Variants in TMEM132B observed in about 807,000 individuals in gnomAD.
TMEM132B encodes transmembrane protein 132B.
Under a neutral mutation model 90.8 loss-of-function variants are expected in TMEM132B, and 18 were observed. That is an observed-to-expected ratio of 0.20 (90% CI 0.14 to 0.29). The LOEUF is 0.29. Ranked by LOEUF, TMEM132B falls within the 10% of genes least tolerant of loss-of-function variation. The pLI is 1.00. For missense variants in TMEM132B, 1,096 were observed against 1,326.8 expected (o/e 0.83, Z 2.70); for synonymous variants, 504 against 523.3 (o/e 0.96, Z 0.50).
chr12:125,393,067 G>A (rs1292025189), intron 2 of TMEM132B, among the ~76,000 whole-genome samples: 2 of 152,216 alleles, frequency 1.3e-5, no homozygotes, highest in Non-Finnish European at 2.9e-5. Context: ...CAGTAAAAGA[G>A]AGAGGCATAA....
intron 3 of TMEM132B, among the ~76,000 whole-genome samples, chr12:125,499,886 T>TA (rs1209749423): frequency 6.6e-6 from 1 of 152,250 alleles, no homozygotes; most frequent in Non-Finnish European, 1.5e-5. Context: ...TGTAAATTCT[T>TA]ATCTTTGTAT....
Position 125,659,445 on chromosome 12 carries a change from T to G in TMEM132B, c.*4735T>G, listed in dbSNP as rs1887154679. 6.6e-6 allele frequency: 1 copy of G among 152,358 alleles called. No individual in the cohort carries two copies. The highest frequency in any genetic ancestry group is 6.5e-5 in the Admixed American group (1 of 15,284). The allele number at this position is 152,358 out of a possible 1,614,324, so 9.4% of individuals were successfully genotyped here. On this transcript the variant is annotated 3_prime_UTR_variant, in exon 9 of 9. Transcript: ENST00000682704. ...TGTATCTGGGGCAGGGGCTTTGTAC[T>G]GGGCCCAGGGTGCTGAGCTTTCCAG...
chr12:125,434,619 C>T (rs946189704), intron 3 of TMEM132B, among the ~76,000 whole-genome samples: 3 of 152,164 alleles, frequency 2.0e-5, no homozygotes, highest in Non-Finnish European at 4.4e-5. Flanking sequence ...CTACAGGAGG[C>T]GCCGGCTGTG....
At chr12:125,304,768 C>T (rs191481802) in intron 1 of TMEM132B, among the ~76,000 whole-genome samples, 7 of 152,116 alleles carry the variant, frequency 4.6e-5, no homozygotes, top group Non-Finnish European at 2.9e-5. Flanking sequence ...GAGTTCAAGG[C>T]TGTAGTGCAC....
At chr12:125,578,540 C>G (rs1161104246) in intron 4 of TMEM132B, among the ~76,000 whole-genome samples, 1 of 152,058 alleles carries the variant, frequency 6.6e-6, no homozygotes, top group Non-Finnish European at 1.5e-5. Context: ...CTGGTGCTCT[C>G]TATACCTTCA....
At chr12:125,472,545 A>C (rs865954064) in intron 3 of TMEM132B, among the ~76,000 whole-genome samples, 9 of 152,292 alleles carry the variant, frequency 5.9e-5, no homozygotes, top group Middle Eastern at 3.4e-3. Context: ...CTGCTCTATG[A>C]GGAGAATGTG....
intron 1 of TMEM132B, among the ~76,000 whole-genome samples, chr12:125,288,596 C>T (rs920350382): frequency 3.9e-5 from 6 of 151,944 alleles, no homozygotes; most frequent in Non-Finnish European, 7.4e-5. Flanking sequence ...TATGGGCATG[C>T]TGTGTGGGTA....
Position 125,246,429 on chromosome 12 carries a change from G to A in TMEM132B, c.67+59563G>A, listed in dbSNP as rs1874210479. ...CTTCCTGGGCTGCGTCTCTCATCTT[G>A]TTTATTAACATGCTGTCCCCACTCA... is the stretch of plus-strand genomic sequence containing the variant. On this transcript the variant is annotated intron_variant, in intron 1 of 8. Coordinates refer to ENST00000682704, the MANE Select transcript of TMEM132B (RefSeq NM_001366854.1). The surrounding 1 kb of genome is among the most constrained non-coding windows in gnomAD (Gnocchi z 4.2). Among the ~76,000 whole-genome samples, 1 of 152,212 alleles carries A rather than the reference G, an allele frequency of 6.6e-6. No homozygotes were observed. The highest frequency in any genetic ancestry group is 1.9e-4 in the East Asian group (1 of 5,192).
At chr12:125,388,742 A>G (rs543402013) in intron 2 of TMEM132B, among the ~76,000 whole-genome samples, 2 of 152,342 alleles carry the variant, frequency 1.3e-5, no homozygotes, top group East Asian at 3.9e-4. Context: ...ATAGATACAC[A>G]AGGTGAAATG....
intron 5 of TMEM132B, among the ~76,000 whole-genome samples, chr12:125,620,185 G>C: frequency 6.6e-6 from 1 of 152,218 alleles, no homozygotes; most frequent in East Asian, 1.9e-4. Flanking sequence ...ATGTGCCACT[G>C]GGGATGTATC....
intron 2 of TMEM132B, among the ~76,000 whole-genome samples, chr12:125,397,626 TGA>T (rs1879205356): frequency 6.6e-6 from 1 of 152,182 alleles, no homozygotes. Context: ...GATTTTGCTG[TGA>T]GAGAGATGCA....
chr12:125,509,835 CCG>C (rs202189256), intron 3 of TMEM132B, among the ~76,000 whole-genome samples: 1,806 of 148,740 alleles, frequency 0.012, 13 homozygotes, highest in Middle Eastern at 0.034. Flanking sequence ...CCTGCATCCT[CCG>C]TGTCTGGAGT....
rs1289709604 is a variant in TMEM132B, at chr12:125,467,651, T to TTAAAGTATA, written c.1107-51788_1107-51787insTAAAGTATA. Among the ~76,000 whole-genome samples, 22 of 152,348 alleles carry TTAAAGTATA rather than the reference T, an allele frequency of 1.4e-4. No homozygotes were observed. In the East Asian group the frequency reaches 4.2e-3, roughly 29 times the overall value. On this transcript the variant is annotated intron_variant, in intron 3 of 8. Coordinates refer to ENST00000682704, the MANE Select transcript of TMEM132B (RefSeq NM_001366854.1). ...AGTTCAACATTTTAAAGTGTACAGT[T>TTAAAGTATA]CAGTGGTATTTAGTATATTCACATT...
chr12:125,483,708 G>A lies in TMEM132B; in HGVS notation c.1107-35731G>A, dbSNP rs76186676. The stretch of plus-strand genomic sequence containing the variant: ...AGATTCAATGAATGAATGGGTATCA[G>A]GAAGGAAAAACACCAAGGGTAATTT... On this transcript the variant is annotated intron_variant, in intron 3 of 8. Coordinates refer to ENST00000682704, the MANE Select transcript of TMEM132B (RefSeq NM_001366854.1). 8.1e-3 allele frequency among the ~76,000 whole-genome samples: 1,234 copies of A among 152,230 alleles called. 48 individuals carry two copies. The highest frequency in any genetic ancestry group is 0.059 in the Admixed American group (898 of 15,290).
chr12:125,485,781 A>G (rs1282890046), intron 3 of TMEM132B, among the ~76,000 whole-genome samples: 4 of 152,200 alleles, frequency 2.6e-5, no homozygotes, highest in Non-Finnish European at 5.9e-5. Flanking sequence ...CTGAAAGTAA[A>G]TACTCTACAC....
intron 2 of TMEM132B, among the ~76,000 whole-genome samples, chr12:125,389,403 C>G (rs1188614187): frequency 7.1e-6 from 1 of 140,984 alleles, no homozygotes; most frequent in African/African-American, 2.6e-5. Context: ...TTTCTCCCTT[C>G]CTTTCTTCTT....
At chr12:125,578,004 T>A (rs1306014827) in intron 4 of TMEM132B, among the ~76,000 whole-genome samples, 1 of 152,156 alleles carries the variant, frequency 6.6e-6, no homozygotes, top group Non-Finnish European at 1.5e-5. Context: ...TGTTGAGACT[T>A]GTTTAATGGC....
chr12:125,643,572 T>C (rs1886683280), intron 5 of TMEM132B, among the ~76,000 whole-genome samples: 1 of 152,240 alleles, frequency 6.6e-6, no homozygotes, highest in Non-Finnish European at 1.5e-5. Context: ...TCCATGTTTC[T>C]AATGCATTTC....
intron 5 of TMEM132B, among the ~76,000 whole-genome samples, chr12:125,613,217 A>C (rs1404446450): frequency 2.4e-5 from 3 of 124,660 alleles, no homozygotes; most frequent in Admixed American, 1.0e-4. Flanking sequence ...TTATACACCC[A>C]CTATATTATA....
Sources: allele counts gnomAD v4.1 joint callset (sites outside exome capture counted in the v4.1 genomes callset), GRCh38; gene constraint gnomAD v4.1.1; non-coding constraint Gnocchi (gnomAD v3.1); transcripts MANE v1.5; gene names NCBI Gene and HGNC (gene_info 2026-07-23, HGNC 2026-07-21).